The following NDST4 variants were observed in gnomAD, a reference collection of about 807,000 sequenced individuals.
NDST4 encodes N-deacetylase and N-sulfotransferase 4.
NDST4 carries 63 observed loss-of-function variants against 100.8 expected under a neutral mutation model. The ratio of observed to expected loss-of-function variants is 0.62; its 90% CI spans 0.51 to 0.77. NDST4 has a LOEUF of 0.77. Ranked by LOEUF, NDST4 falls within the 30% of genes least tolerant of loss-of-function variation. NDST4 has a pLI of 0.00. For missense variants in NDST4, 943 were observed against 1,018.4 expected, an observed-to-expected ratio of 0.93 and a Z score of 1.01; for synonymous variants, 377 against 361.8, an observed-to-expected ratio of 1.04 and a Z score of -0.48.
intron 1 of NDST4, among the ~76,000 whole-genome samples, chr4:115,077,925 G>A (rs978840426): frequency 2.0e-5 from 3 of 152,116 alleles, no homozygotes; most frequent in South Asian, 2.1e-4. Context: ...AGGACAGAAC[G>A]CTTAGGTGAA....
chr4:114,861,897 T>TGGGAAA (rs914837260), intron 7 of NDST4, among the ~76,000 whole-genome samples: 1 of 152,144 alleles, frequency 6.6e-6, no homozygotes, highest in African/African-American at 2.4e-5. Context: ...CCCACTCTTG[T>TGGGAAA]CTCTTTCTGA....
intron 2 of NDST4, among the ~76,000 whole-genome samples, chr4:115,056,892 A>G (rs996419527): frequency 8.4e-5 from 10 of 118,840 alleles, no homozygotes; most frequent in Non-Finnish European, 1.3e-4. Context: ...CAATTTTGAA[A>G]ACTATGTTAT....
At chr4:114,829,759 T>G in intron 13 of NDST4, 31 bp downstream of exon 13, 1 of 1,514,118 alleles carries the variant, frequency 6.6e-7, no homozygotes, top group Admixed American at 2.1e-5. Context: ...ATATTTTTGC[T>G]AGAGTAATTC....
At chr4:114,913,701 A>T (rs1482636172) in intron 6 of NDST4, among the ~76,000 whole-genome samples, 1 of 149,894 alleles carries the variant, frequency 6.7e-6, no homozygotes, top group Non-Finnish European at 1.5e-5. Context: ...GTATGCAAGA[A>T]CCCCTGTGGG....
At chr4:115,091,181 G>C (rs1008485781) in intron 1 of NDST4, among the ~76,000 whole-genome samples, 2 of 151,838 alleles carry the variant, frequency 1.3e-5, no homozygotes, top group East Asian at 3.9e-4. Flanking sequence ...ATTAACATTT[G>C]TCCAGTATCA....
At chr4:114,957,474 A>G (rs538196977) in intron 4 of NDST4, among the ~76,000 whole-genome samples, 1 of 152,328 alleles carries the variant, frequency 6.6e-6, no homozygotes, top group East Asian at 1.9e-4. Flanking sequence ...TTCTTCTCAT[A>G]ACAGGTGGGC....
intron 2 of NDST4, among the ~76,000 whole-genome samples, chr4:115,019,992 A>G (rs940556681): frequency 4.6e-5 from 7 of 152,142 alleles, no homozygotes; most frequent in Non-Finnish European, 8.8e-5. Context: ...ACTAAAAAAA[A>G]TTGATACCGA....
intron 5 of NDST4, 44 bp downstream of exon 5, chr4:114,937,274 G>A (rs1402871891): frequency 1.3e-6 from 2 of 1,597,480 alleles, no homozygotes; most frequent in South Asian, 1.1e-5. Context: ...CATTCCACAT[G>A]TAAATATTAA....
chr4:115,047,846 T>C (rs1728498001), intron 2 of NDST4, among the ~76,000 whole-genome samples: 1 of 152,164 alleles, frequency 6.6e-6, no homozygotes, highest in Non-Finnish European at 1.5e-5. Context: ...TTAATTGATC[T>C]ATGACCTTCA....
intron 2 of NDST4, among the ~76,000 whole-genome samples, chr4:115,018,858 T>C (rs1038066628): frequency 6.6e-6 from 1 of 151,908 alleles, no homozygotes; most frequent in African/African-American, 2.4e-5. Flanking sequence ...AAAATTTCAA[T>C]CTCCCAAAAC....
intron 6 of NDST4, among the ~76,000 whole-genome samples, chr4:114,934,216 C>T (rs537453511): frequency 6.6e-6 from 1 of 152,068 alleles, no homozygotes; most frequent in Non-Finnish European, 1.5e-5. Context: ...ATAGATGAAC[C>T]AGGAGGACAT....
chr4:114,940,201 T>C (rs1725718904), intron 4 of NDST4, among the ~76,000 whole-genome samples: 1 of 152,196 alleles, frequency 6.6e-6, no homozygotes, highest in African/African-American at 2.4e-5. Context: ...ATGGAGTCTA[T>C]ACTACAATAA....
intron 10 of NDST4, among the ~76,000 whole-genome samples, chr4:114,839,767 C>T (rs1044111713): frequency 6.6e-6 from 1 of 151,936 alleles, no homozygotes; most frequent in African/African-American, 2.4e-5. Flanking sequence ...ATTGGAATAC[C>T]CATTGGCACA....
chr4:115,036,443 C>G (rs1728235231), intron 2 of NDST4, among the ~76,000 whole-genome samples: 1 of 150,980 alleles, frequency 6.6e-6, no homozygotes, highest in South Asian at 2.1e-4. Flanking sequence ...ATGTTAGATT[C>G]AAAACATTAT....
chr4:114,946,049 T>C lies in NDST4; in HGVS notation c.1222-8546A>G, dbSNP rs138627854. The stretch of plus-strand genomic sequence containing the variant: ...TCCTAAGTAGAGCTATTTTGGGCAA[T>C]TGAGACACATCCTTTTAATATTCTT... On this transcript the variant is annotated intron_variant, in intron 4 of 13. Coordinates refer to ENST00000264363, the MANE Select transcript of NDST4 (RefSeq NM_022569.3). 3.7e-3 allele frequency among the ~76,000 whole-genome samples: 559 copies of C among 152,264 alleles called. 4 individuals are homozygous for C. Among genetic ancestry groups the C allele is most frequent in the African/African-American group, 0.013 (534 of 41,540 alleles).
chr4:115,046,072 G>A (rs580214), intron 2 of NDST4, among the ~76,000 whole-genome samples: 25,721 of 152,046 alleles, frequency 0.17, 2,566 homozygotes, highest in East Asian at 0.42. Flanking sequence ...AAACAGGAGC[G>A]TTATTGCCCT....
intron 2 of NDST4, among the ~76,000 whole-genome samples, chr4:114,989,334 C>A (rs560286369): frequency 1.3e-5 from 2 of 152,140 alleles, no homozygotes; most frequent in Non-Finnish European, 2.9e-5. Context: ...CTACCTTTGA[C>A]ATTATTTCTT....
chr4:114,905,762 T>G (rs1315571458), intron 6 of NDST4, among the ~76,000 whole-genome samples: 2 of 152,048 alleles, frequency 1.3e-5, no homozygotes, highest in Admixed American at 1.3e-4. Flanking sequence ...CTGTTCTTTT[T>G]CATTTACTTC....
At chr4:114,950,068 T>C (rs774069126) in intron 4 of NDST4, among the ~76,000 whole-genome samples, 1 of 151,864 alleles carries the variant, frequency 6.6e-6, no homozygotes, top group Non-Finnish European at 1.5e-5. Context: ...AACTGGAAAA[T>C]TGTTATTTCA....
Sources: allele counts gnomAD v4.1 joint callset (sites outside exome capture counted in the v4.1 genomes callset), GRCh38; gene constraint gnomAD v4.1.1; transcripts MANE v1.5; gene names NCBI Gene and HGNC (gene_info 2026-07-23, HGNC 2026-07-21).